The following CTNNA2 variants were observed in gnomAD, a reference collection of about 807,000 sequenced individuals.
CTNNA2 encodes the protein catenin alpha 2, also known as catenin alpha-2.
A neutral mutation model predicts 101.0 loss-of-function variants in CTNNA2; 42 were observed. The ratio of observed to expected loss-of-function variants is 0.42; its 90% CI spans 0.32 to 0.54. The LOEUF (loss-of-function observed/expected upper bound fraction) is 0.54. CTNNA2 is among the 20% of genes least tolerant of loss of function. CTNNA2 has a pLI of 0.14. For missense variants in CTNNA2, 871 were observed against 1,223.1 expected, an observed-to-expected ratio of 0.71 and a Z score of 4.29; for synonymous variants, 450 against 456.4, an observed-to-expected ratio of 0.99 and a Z score of 0.18.
At chr2:79,337,438 A>T (rs1381980568) in intron 3 of CTNNA2, among the ~76,000 whole-genome samples, 1 of 152,232 alleles carries the variant, frequency 6.6e-6, no homozygotes, top group Non-Finnish European at 1.5e-5. Flanking sequence ...GCCAACAAAT[A>T]TATTAAAAAA....
chr2:80,156,760 A>T (rs1206608314), intron 7 of CTNNA2, among the ~76,000 whole-genome samples: 1 of 152,236 alleles, frequency 6.6e-6, no homozygotes, highest in Non-Finnish European at 1.5e-5. Context: ...TGAGGGGCAC[A>T]TCTGTGAACA....
At chr2:79,770,195 T>C (rs1673473293) in intron 3 of CTNNA2, among the ~76,000 whole-genome samples, 1 of 152,166 alleles carries the variant, frequency 6.6e-6, no homozygotes, top group African/African-American at 2.4e-5. Context: ...CAGCAAAGAA[T>C]TATCTAGCCT....
chr2:80,229,964 C>A (rs544558221), intron 7 of CTNNA2, among the ~76,000 whole-genome samples: 1 of 152,116 alleles, frequency 6.6e-6, no homozygotes, highest in South Asian at 2.1e-4. Flanking sequence ...ATTACAATAC[C>A]CTATTTTTAC....
chr2:79,600,454 G>A (rs1016263929), intron 1 of CTNNA2, among the ~76,000 whole-genome samples: 4 of 152,102 alleles, frequency 2.6e-5, no homozygotes, highest in African/African-American at 9.7e-5. Context: ...TGGGATTACA[G>A]GTGTGAGTCA....
intron 4 of CTNNA2, among the ~76,000 whole-genome samples, chr2:79,484,272 T>G (rs988514360): frequency 6.6e-6 from 1 of 151,930 alleles, no homozygotes; most frequent in African/African-American, 2.4e-5. Context: ...ATATAAATGT[T>G]AATTAATTAA....
intron 2 of CTNNA2, among the ~76,000 whole-genome samples, chr2:79,737,664 A>G (rs1044411336): frequency 1.3e-5 from 2 of 152,176 alleles, no homozygotes; most frequent in African/African-American, 4.8e-5. Flanking sequence ...TGGGTCCTGA[A>G]ATTCTACATT....
At chr2:80,431,872 A>T (rs1457458344) in intron 9 of CTNNA2, among the ~76,000 whole-genome samples, 3 of 152,196 alleles carry the variant, frequency 2.0e-5, no homozygotes, top group Non-Finnish European at 2.9e-5. Flanking sequence ...CCATCGGTTT[A>T]TAAAAATTAA....
intron 4 of CTNNA2, among the ~76,000 whole-genome samples, chr2:79,440,934 C>T (rs568365990): frequency 7.2e-5 from 11 of 152,238 alleles, no homozygotes; most frequent in Admixed American, 7.2e-4. Flanking sequence ...CAGTGGGATT[C>T]ATGTTTTCCA....
intron 7 of CTNNA2, chr2:80,378,790 C>T (rs1676228024): frequency 6.6e-6 from 1 of 152,226 alleles, no homozygotes; most frequent in Admixed American, 6.5e-5. Flanking sequence ...AGGTATCTGA[C>T]TATGAGGGAT....
At chr2:80,561,720 T>C (rs1463622792) in intron 12 of CTNNA2, among the ~76,000 whole-genome samples, 2 of 152,134 alleles carry the variant, frequency 1.3e-5, no homozygotes, top group Admixed American at 1.3e-4. Flanking sequence ...TGGAGTGCAA[T>C]GGCAGTCTCT....
intron 2 of CTNNA2, among the ~76,000 whole-genome samples, chr2:79,246,667 C>T (rs1459988923): frequency 6.6e-6 from 1 of 152,218 alleles, no homozygotes; most frequent in East Asian, 1.9e-4. Flanking sequence ...GGCAGGTTTA[C>T]ATATCAGCAT....
At chr2:79,605,391 A>T (rs1677818198) in intron 1 of CTNNA2, among the ~76,000 whole-genome samples, 1 of 152,216 alleles carries the variant, frequency 6.6e-6, no homozygotes. Flanking sequence ...AAGAAATAAT[A>T]GCTAGAAATA....
intron 7 of CTNNA2, among the ~76,000 whole-genome samples, chr2:80,176,269 C>T (rs1165330972): frequency 6.6e-6 from 1 of 152,166 alleles, no homozygotes; most frequent in Non-Finnish European, 1.5e-5. Context: ...ACTACCAATT[C>T]CCAACCCAAA....
At chr2:80,397,201 G>A (rs1350835819) in intron 8 of CTNNA2, among the ~76,000 whole-genome samples, 1 of 152,158 alleles carries the variant, frequency 6.6e-6, no homozygotes, top group Non-Finnish European at 1.5e-5. Flanking sequence ...CAGTTACCAT[G>A]GAGAGCTTGT....
At chr2:79,982,423 A>G (rs1294986243) in intron 7 of CTNNA2, among the ~76,000 whole-genome samples, 1 of 148,004 alleles carries the variant, frequency 6.8e-6, no homozygotes, top group Non-Finnish European at 1.5e-5. Flanking sequence ...CATATATAAC[A>G]CATATATAAC....
chr2:79,773,156 T>G (rs1673714563), intron 3 of CTNNA2, among the ~76,000 whole-genome samples: 1 of 152,170 alleles, frequency 6.6e-6, no homozygotes, highest in African/African-American at 2.4e-5. Context: ...AAACTGGACA[T>G]AAACTGGAAG....
At chr2:80,091,495 G>C (rs897662189) in intron 7 of CTNNA2, among the ~76,000 whole-genome samples, 1 of 152,102 alleles carries the variant, frequency 6.6e-6, no homozygotes, top group Non-Finnish European at 1.5e-5. Context: ...AAAACGATTA[G>C]AGAATTCTGA....
At chr2:79,660,140 A>G (rs1291824319) in intron 2 of CTNNA2, among the ~76,000 whole-genome samples, 3 of 151,726 alleles carry the variant, frequency 2.0e-5, no homozygotes, top group East Asian at 3.9e-4. Context: ...AGCATGTGCA[A>G]TATACACACA....
At chr2:79,216,043 A>G (rs535408284) in intron 2 of CTNNA2, among the ~76,000 whole-genome samples, 12 of 152,256 alleles carry the variant, frequency 7.9e-5, no homozygotes, top group African/African-American at 2.9e-4. Flanking sequence ...ACTGATGTGT[A>G]AAAGAATGCC....
Sources: gnomAD v4.1 joint callset for allele counts (sites outside exome capture counted in the v4.1 genomes callset) on GRCh38, gnomAD v4.1.1 for gene constraint, MANE v1.5 for transcripts, NCBI Gene and HGNC (gene_info 2026-07-23, HGNC 2026-07-21) for gene names.